ZZEF1: variants seen among roughly 807,000 people sequenced by gnomAD.
ZZEF1 encodes the protein zinc finger ZZ-type and EF-hand domain-containing protein 1.
A neutral mutation model predicts 342.8 loss-of-function variants in ZZEF1; 157 were observed. The observed-to-expected ratio is 0.46, with a 90% CI of 0.40 to 0.52. The LOEUF (loss-of-function observed/expected upper bound fraction) is 0.52, where lower values mean the gene tolerates loss of function less well. Ranked by LOEUF, ZZEF1 falls within the 20% of genes least tolerant of loss-of-function variation. ZZEF1 has a pLI of 0.00. For missense variants in ZZEF1, 3,480 were observed against 3,725.6 expected (o/e 0.93, Z 1.72); for synonymous variants, 1,505 against 1,429.1 (o/e 1.05, Z -1.20).
At position 4,093,370 on chromosome 17, in the gene ZZEF1, C is replaced by T. The variant is rs142804993; in HGVS notation, c.1913+2461G>A. On this transcript the variant is annotated intron_variant, in intron 11 of 54. Transcript: ENST00000381638. ...CATTAAAGGGCTGAAACGAAGACCA[C>T]TGAAGAGACATTACAAATGTGGATT... Among the ~76,000 whole-genome samples the T allele has an allele frequency of 9.8e-5, 15 of 152,340 alleles. No homozygotes were observed. In the East Asian group the frequency reaches 2.9e-3, roughly 29 times the overall value.
intron 38 of ZZEF1, among the ~76,000 whole-genome samples, chr17:4,042,923 C>T (rs983890799): frequency 6.6e-6 from 1 of 152,194 alleles, no homozygotes; most frequent in African/African-American, 2.4e-5. Context: ...CTCAAGTGAT[C>T]CGCCCACCTT....
At chr17:4,087,783 A>AACACACACACACACACACACACACACAC (rs10522603) in intron 13 of ZZEF1, among the ~76,000 whole-genome samples, 1 of 145,990 alleles carries the variant, frequency 6.8e-6, no homozygotes, top group African/African-American at 2.6e-5. Context: ...ATATACACAC[A>AACACACACACACACACACACACACACAC]ACACACACAC....
chr17:4,075,279 A>G lies in ZZEF1; in HGVS notation c.3385T>C (p.Cys1129Arg). The change falls in exon 22 of 55, where the codon TGT becomes CGT. Residue 1129 changes from cysteine to arginine, a missense_variant. Cys to Arg is a radical substitution (Grantham distance 180). This residue lies in a region of ZZEF1 where 1,528 missense variants were observed against 1,624.1 expected (regional missense o/e 0.94). Transcript: ENST00000381638. ...AAGTCTTACCTTTTTTCAGTTTCAC[A>G]CCTGTCATCGAATTCCACTTCAAAA... ...TYFEVEFDDR[C>R]ETEKRYDYLE... The G allele has an allele frequency of 6.2e-7, 1 of 1,614,148 alleles. No homozygotes were observed. The highest frequency in any genetic ancestry group is 8.5e-7 in the Non-Finnish European group (1 of 1,179,982).
chr17:4,087,466 G>A lies in ZZEF1; in HGVS notation c.2310C>T (p.Ile770=). 2 of 1,611,532 alleles carry A rather than the reference G, an allele frequency of 1.2e-6. No homozygotes were observed. The highest frequency in any genetic ancestry group is 1.7e-6 in the Non-Finnish European group (2 of 1,179,380). ...TTAATTTACTGTAAAAATTCCAGAA[G>A]ATCTGCAAATCAAGACCCGCGAAGT... ...FLDFAGLDLQ[I]FWNFYSKLKQ... Residue 770 remains isoleucine (I), a synonymous_variant, in exon 14 of 55, where the codon ATC becomes ATT. Transcript: ENST00000381638.
Position 4,017,461 on chromosome 17 carries a change from G to A in ZZEF1, c.7911C>T (p.Ser2637=), listed in dbSNP as rs777279589. 13 of 1,614,086 alleles carry A rather than the reference G, an allele frequency of 8.1e-6. No individual in the cohort carries two copies. Among genetic ancestry groups the A allele is most frequent in the South Asian group, 3.3e-5 (3 of 91,090 alleles). The change falls in exon 48 of 55, where the codon AGC becomes AGT. Residue 2637 remains serine, a synonymous_variant. Coordinates refer to ENST00000381638, the MANE Select transcript of ZZEF1 (RefSeq NM_015113.4). This position sits in a 1 kb window ranked among gnomAD's most constrained non-coding sequence, Gnocchi z 5.1. ...GGCCACTGAGCTCCAGGATGTCCTC[G>A]CTCACTGGCACGTGGCTAGGCCACT... ...LAEWPSHVPV[S]EDILELSGPA... is the part of the protein sequence containing the mutation.
intron 45 of ZZEF1, 134 bp from the exon 46 acceptor site, chr17:4,019,903 T>A (rs904983177): frequency 3.3e-5 from 20 of 601,192 alleles, no homozygotes; most frequent in Middle Eastern, 3.3e-4. Context: ...ATTATATGGG[T>A]AGTTTAAAAA....
rs2055883627 is a variant in ZZEF1 at position 4,009,314 on chromosome 17, T to C, written c.8733+290A>G. 4 of 571,356 alleles carry C rather than the reference T, an allele frequency of 7.0e-6. No individual in the cohort carries two copies. The East Asian group carries it at 1.2e-4, about 17-fold the overall frequency. 35.4% of individuals were successfully genotyped at this position (571,356 alleles called of 1,614,324 possible). A position where few individuals can be genotyped will look rare whatever the true frequency, so the allele number is the denominator to read the frequency against. ...GGAAAAAAAGAGAAGGAAGCAGAAA[T>C]AACCCATCGTTTTATTTTCCAAAAC... On this transcript the variant is annotated intron_variant, in intron 53 of 54. Transcript: ENST00000381638.
At chr17:4,041,428 A>C (rs960903203) in intron 39 of ZZEF1, among the ~76,000 whole-genome samples, 1 of 152,184 alleles carries the variant, frequency 6.6e-6, no homozygotes, top group Non-Finnish European at 1.5e-5. Context: ...CTGCTAAAAA[A>C]AAAAAGTCCT....
Position 4,056,222 on chromosome 17 carries a change from C to T in ZZEF1, c.5289G>A (p.Gln1763=). The change falls in exon 33 of 55, where the codon CAG becomes CAA. Residue 1763 remains glutamine, a synonymous_variant. Transcript: ENST00000381638. The stretch of plus-strand genomic sequence containing the variant: ...TCTAGTTGAGAGGTCTTACTTTCCT[C>T]TGCTTCTCTGGATCTTCCTGGGCTA... ...EKIAQEDPEK[Q]RKMHMFIARY... 2 of 1,586,072 alleles carry T rather than the reference C, an allele frequency of 1.3e-6. No individual in the cohort carries two copies. The highest frequency in any genetic ancestry group is 1.7e-6 in the Non-Finnish European group (2 of 1,166,080).
Position 4,048,162 on chromosome 17 carries a change from T to C in ZZEF1, c.6015+1546A>G, listed in dbSNP as rs557685858. Among the ~76,000 whole-genome samples, 477 of 152,248 alleles carry C rather than the reference T, an allele frequency of 3.1e-3. 3 individuals carry two copies. The highest frequency in any genetic ancestry group is 5.0e-3 in the Non-Finnish European group (337 of 68,000). Reference sequence around the variant, plus strand: ...TGATTAATCCCATTTCTCCTAACAATGTTCTCTTTGTTCCCATCATAATCC... The same window carrying C: ...TGATTAATCCCATTTCTCCTAACAACGTTCTCTTTGTTCCCATCATAATCC... On this transcript the variant is annotated intron_variant, in intron 37 of 54. Coordinates refer to ENST00000381638, the MANE Select transcript of ZZEF1 (RefSeq NM_015113.4).
chr17:4,141,058 G>C (rs547456132), intron 1 of ZZEF1, among the ~76,000 whole-genome samples: 1 of 152,016 alleles, frequency 6.6e-6, no homozygotes, highest in East Asian at 1.9e-4. Context: ...ACAGGCACCC[G>C]CCACCATGCC....
intron 52 of ZZEF1, among the ~76,000 whole-genome samples, chr17:4,012,074 A>G (rs1567758061): frequency 6.6e-6 from 1 of 152,258 alleles, no homozygotes; most frequent in Non-Finnish European, 1.5e-5. Flanking sequence ...AAGGTTGCCA[A>G]TGGCCAGCAG....
chr17:4,050,787 C>T lies in ZZEF1; in HGVS notation c.5857G>A (p.Gly1953Arg), dbSNP rs1567794693. ...VGDCLMKAHQGKGLKALALLG... is the reference protein window; with the variant it reads ...VGDCLMKAHQRKGLKALALLG... ...CTGTGCATTGGGAAGTCACCTTTTC[C>T]CTGATGAGCCTTCATCAGACAGTCC... Residue 1953 changes from glycine to arginine, a missense_variant, in exon 36 of 55, where the codon GGA becomes AGA. Coordinates refer to ENST00000381638, the MANE Select transcript of ZZEF1 (RefSeq NM_015113.4). 1 of 1,613,682 alleles carries T rather than the reference C, an allele frequency of 6.2e-7. No individual in the cohort carries two copies. The highest frequency in any genetic ancestry group is 1.7e-5 in the Admixed American group (1 of 60,000).
chr17:4,133,772 A>G (rs1294261236), intron 1 of ZZEF1, among the ~76,000 whole-genome samples: 1 of 151,666 alleles, frequency 6.6e-6, no homozygotes, highest in African/African-American at 2.4e-5. Flanking sequence ...CCCAGGCTAG[A>G]GTGCAGTAGC....
intron 37 of ZZEF1, 42 bp downstream of exon 37, chr17:4,049,666 A>G (rs1281000738): frequency 6.2e-7 from 1 of 1,611,914 alleles, no homozygotes. Context: ...CTCTCTCTAG[A>G]GTTCAACCTG....
In ZZEF1 at chr17:4,112,066, A is replaced by G. The variant is rs868177757; in HGVS notation, c.1066+543T>C. ...TATATATATATATATATATATATAT[A>G]TATATATATATATATATATATATAT... On this transcript the variant is annotated intron_variant, in intron 5 of 54. Coordinates refer to ENST00000381638, the MANE Select transcript of ZZEF1 (RefSeq NM_015113.4). Among the ~76,000 whole-genome samples the G allele has an allele frequency of 3.7e-3, 179 of 48,774 alleles. 5 individuals are homozygous for G. The highest frequency in any genetic ancestry group is 0.016 in the African/African-American group (164 of 10,346). The allele number at this position is 48,774 out of a possible 152,430, so 32.0% of individuals were successfully genotyped here. A position where few individuals can be genotyped will look rare whatever the true frequency, so the allele number is the denominator to read the frequency against.
rs368428621 is a variant in ZZEF1, at chr17:4,064,358, T to C, written c.4718+3A>G. On this transcript the variant is annotated splice_donor_region_variant and intron_variant, in intron 29 of 54. Transcript: ENST00000381638. ...AGCGACAGGAAGGTAACAACGGGCTTACCTCCTGTGCGAGAGCGACTGATC... is the reference window on the plus strand; with the variant it reads ...AGCGACAGGAAGGTAACAACGGGCTCACCTCCTGTGCGAGAGCGACTGATC... 3.6e-4 allele frequency: 573 copies of C among 1,572,510 alleles called. No individual in the cohort carries two copies. The highest frequency in any genetic ancestry group is 4.6e-4 in the Non-Finnish European group (531 of 1,153,644).
At position 4,104,791 on chromosome 17, in the gene ZZEF1, A is replaced by G. The variant is rs201368979; in HGVS notation, c.1415T>C (p.Val472Ala). The change falls in exon 8 of 55, where the codon GTA (valine) becomes GCA (alanine). Residue 472 changes from valine to alanine, a missense_variant. Physicochemically the swap from Val to Ala is moderately conservative, Grantham distance 64. Around this residue, in one of 5 missense-constraint regions of ZZEF1, gnomAD observed 1,528 missense variants for 1,624.1 expected, o/e 0.94. Transcript: ENST00000381638. ...RITSCCSTPE[V>A]ELTLLAFALA... Reference sequence around the variant, plus strand: ...AGCAAAAGCCAGAAGAGTCAGTTCTACCTCTGGGGTAGAACAGCAGCTATA... The same window carrying G: ...AGCAAAAGCCAGAAGAGTCAGTTCTGCCTCTGGGGTAGAACAGCAGCTATA... 10 of 1,614,026 alleles carry G rather than the reference A, an allele frequency of 6.2e-6. No individual in the cohort carries two copies. Among genetic ancestry groups the G allele is most frequent in the Non-Finnish European group, 8.5e-6 (10 of 1,179,978 alleles).
At chr17:4,113,601 G>T (rs2058348530) in intron 4 of ZZEF1, among the ~76,000 whole-genome samples, 1 of 151,684 alleles carries the variant, frequency 6.6e-6, no homozygotes, top group Non-Finnish European at 1.5e-5. Flanking sequence ...GGAGATGGAG[G>T]TTGCAGTGAA....
Sources: allele counts gnomAD v4.1 joint callset (sites outside exome capture counted in the v4.1 genomes callset), GRCh38; gene constraint gnomAD v4.1.1; regional missense constraint gnomAD v4.1.1; non-coding constraint Gnocchi (gnomAD v3.1); transcripts MANE v1.5; gene names NCBI Gene and HGNC (gene_info 2026-07-23, HGNC 2026-07-21).